Variants in CDH18 observed in about 807,000 individuals in gnomAD.
The protein encoded by CDH18 is cadherin 18.
CDH18 carries 31 observed loss-of-function variants against 67.9 expected under a neutral mutation model. The observed-to-expected ratio is 0.46, with a 90% CI of 0.34 to 0.62. The LOEUF is 0.62. CDH18 is among the 20% of genes least tolerant of loss of function. CDH18 has a pLI of 0.01. For synonymous variants in CDH18, 362 were observed against 347.2 expected (o/e 1.04, Z -0.48); for missense variants, 890 against 975.5 (o/e 0.91, Z 1.17).
intron 1 of CDH18, among the ~76,000 whole-genome samples, chr5:20,408,715 A>T (rs1000042926): frequency 2.0e-5 from 3 of 151,910 alleles, no homozygotes; most frequent in African/African-American, 7.2e-5. Flanking sequence ...AATTCATGAG[A>T]TGGGCATAGT....
chr5:20,040,257 A>G (rs773264911), intron 2 of CDH18, among the ~76,000 whole-genome samples: 2 of 152,122 alleles, frequency 1.3e-5, no homozygotes, highest in Non-Finnish European at 2.9e-5. Context: ...CACATTCTGC[A>G]TATGTATCCC....
At chr5:19,859,309 G>C (rs1267101215) in intron 2 of CDH18, among the ~76,000 whole-genome samples, 1 of 152,052 alleles carries the variant, frequency 6.6e-6, no homozygotes, top group Non-Finnish European at 1.5e-5. Flanking sequence ...ACAGACTTTT[G>C]GTAGCAATAA....
intron 7 of CDH18, among the ~76,000 whole-genome samples, chr5:19,579,339 C>T (rs1742841103): frequency 6.6e-6 from 1 of 151,860 alleles, no homozygotes; most frequent in Admixed American, 6.6e-5. Flanking sequence ...TGGATCCCAT[C>T]ACTGTGGGTG....
At position 20,514,355 on chromosome 5, in the gene CDH18, T is replaced by C. The variant is rs555213837; in HGVS notation, c.-580+61107A>G. On this transcript the variant is annotated intron_variant, in intron 1 of 14. Transcript: ENST00000507958. ...GAGTCATAGAACCAAGGGATCATCT[T>C]AGAAGAAGCCGCAGCTTCTTGTATC... Among the ~76,000 whole-genome samples, 119 of 152,256 alleles carry C rather than the reference T, an allele frequency of 7.8e-4. 1 individual carries two copies. The highest frequency in any genetic ancestry group is 2.9e-3 in the African/African-American group (119 of 41,572).
intron 12 of CDH18, among the ~76,000 whole-genome samples, chr5:19,482,940 G>T (rs1389266260): frequency 3.3e-5 from 5 of 152,032 alleles, no homozygotes; most frequent in Non-Finnish European, 7.4e-5. Context: ...CAGAAGCTAA[G>T]CGGGCTGGGG....
chr5:19,948,259 A>C (rs1004715298), intron 2 of CDH18, among the ~76,000 whole-genome samples: 1 of 152,166 alleles, frequency 6.6e-6, no homozygotes, highest in Non-Finnish European at 1.5e-5. Context: ...AATTTTACTC[A>C]GGAGTATTTA....
intron 5 of CDH18, among the ~76,000 whole-genome samples, chr5:19,694,182 T>G (rs1762252919): frequency 6.6e-6 from 1 of 152,196 alleles, no homozygotes; most frequent in Non-Finnish European, 1.5e-5. Flanking sequence ...ATCTTTAATT[T>G]TTTTATATAT....
At chr5:19,505,026 A>G (rs1324988380) in intron 10 of CDH18, among the ~76,000 whole-genome samples, 9 of 152,094 alleles carry the variant, frequency 5.9e-5, no homozygotes, top group Admixed American at 2.0e-4. Context: ...ACTCTGATAT[A>G]ATTCCTATTC....
At chr5:20,061,499 A>C (rs1378607847) in intron 2 of CDH18, among the ~76,000 whole-genome samples, 1 of 152,180 alleles carries the variant, frequency 6.6e-6, no homozygotes, top group Non-Finnish European at 1.5e-5. Context: ...ATAAATAATT[A>C]GATTTAAAGG....
chr5:19,835,911 A>G (rs1381507033), intron 3 of CDH18, among the ~76,000 whole-genome samples: 2 of 152,144 alleles, frequency 1.3e-5, no homozygotes, highest in Non-Finnish European at 2.9e-5. Flanking sequence ...ACAGCATCAC[A>G]AACCTCCATC....
chr5:20,007,672 AG>A (rs1737020622), intron 2 of CDH18, among the ~76,000 whole-genome samples: 1 of 140,156 alleles, frequency 7.1e-6, no homozygotes, highest in African/African-American at 2.6e-5. Flanking sequence ...GTGTGTGGAA[AG>A]TGTGTGTGTG....
chr5:20,081,004 T>C (rs1300132443), intron 2 of CDH18, among the ~76,000 whole-genome samples: 1 of 152,118 alleles, frequency 6.6e-6, no homozygotes, highest in Non-Finnish European at 1.5e-5. Flanking sequence ...AGAATAAGAT[T>C]TTTAAAAAAG....
intron 2 of CDH18, among the ~76,000 whole-genome samples, chr5:20,078,655 C>T (rs966322950): frequency 2.0e-5 from 3 of 151,756 alleles, no homozygotes; most frequent in African/African-American, 4.8e-5. Context: ...GGCTGGAGTG[C>T]GGTGGCTCAC....
intron 1 of CDH18, among the ~76,000 whole-genome samples, chr5:20,383,039 T>C (rs1468526536): frequency 6.6e-6 from 1 of 152,144 alleles, no homozygotes; most frequent in Admixed American, 6.5e-5. Flanking sequence ...CTGCCGCTTT[T>C]GACACAAACT....
intron 2 of CDH18, chr5:19,877,972 T>A (rs184484552): frequency 6.6e-5 from 10 of 152,256 alleles, no homozygotes; most frequent in Admixed American, 6.5e-4. Context: ...TTGTTAATAA[T>A]GTTATTATGA....
intron 3 of CDH18, among the ~76,000 whole-genome samples, chr5:19,811,079 AAAG>A (rs1431493816): frequency 3.1e-4 from 3 of 9,712 alleles, no homozygotes; most frequent in African/African-American, 9.3e-4. Flanking sequence ...AGAAAGAGAA[AAAG>A]AAAGAAAGAA....
At chr5:20,329,373 A>G (rs1738938529) in intron 1 of CDH18, among the ~76,000 whole-genome samples, 1 of 152,220 alleles carries the variant, frequency 6.6e-6, no homozygotes, top group South Asian at 2.1e-4. Flanking sequence ...CAAACTAGAC[A>G]TGGCCAAATA....
At chr5:19,968,540 A>G (rs1471342908) in intron 2 of CDH18, among the ~76,000 whole-genome samples, 3 of 151,756 alleles carry the variant, frequency 2.0e-5, no homozygotes, top group Admixed American at 6.5e-5. Context: ...ATAACGCCAC[A>G]TATCTACAAC....
chr5:20,054,678 T>A (rs1741747096), intron 2 of CDH18, among the ~76,000 whole-genome samples: 1 of 152,240 alleles, frequency 6.6e-6, no homozygotes, highest in African/African-American at 2.4e-5. Context: ...CTTCCTAACC[T>A]ACCTCTGATC....
Sources: gnomAD v4.1 joint callset for allele counts (sites outside exome capture counted in the v4.1 genomes callset) on GRCh38, gnomAD v4.1.1 for gene constraint, MANE v1.5 for transcripts, NCBI Gene and HGNC (gene_info 2026-07-23, HGNC 2026-07-21) for gene names.